The following KLF12 variants were observed in gnomAD, a reference collection of about 807,000 sequenced individuals.
The protein encoded by KLF12 is Krueppel-like factor 12.
Under a neutral mutation model 37.8 loss-of-function variants are expected in KLF12, and 9 were observed. That is an observed-to-expected ratio of 0.24 (90% confidence interval 0.14 to 0.42). The LOEUF (loss-of-function observed/expected upper bound fraction) is 0.42. Among genes scored for constraint, KLF12 ranks in the 10% least tolerant of loss-of-function variants. The pLI, the probability that KLF12 is intolerant of heterozygous loss-of-function variation, is 1.00. For synonymous variants in KLF12, 208 were observed against 202.1 expected (o/e 1.03, Z -0.25); for missense variants, 411 against 516.0 (o/e 0.80, Z 1.97).
the KLF12 span, among the ~76,000 whole-genome samples, chr13:74,171,502 C>G: frequency 2.6e-5 from 4 of 152,328 alleles, no homozygotes; most frequent in East Asian, 5.8e-4. Context: ...TCCTCCCAAA[C>G]AGTCTATACA....
At chr13:74,068,163 T>C (rs1593872346) in intron 1 of KLF12, among the ~76,000 whole-genome samples, 1 of 152,220 alleles carries the variant, frequency 6.6e-6, no homozygotes, top group African/African-American at 2.4e-5. Context: ...ATTTTTAAAA[T>C]GTGATTTAAT....
chr13:74,214,455 G>A, the KLF12 span, among the ~76,000 whole-genome samples: 1 of 152,160 alleles, frequency 6.6e-6, no homozygotes, highest in African/African-American at 2.4e-5. Context: ...GATGATCTGG[G>A]AGATCTGAGA....
Position 73,887,805 on chromosome 13 carries a change from A to G in KLF12, c.124-41432T>C, listed in dbSNP as rs144291133. On this transcript the variant is annotated intron_variant, in intron 3 of 7. Coordinates refer to ENST00000377669, the MANE Select transcript of KLF12 (RefSeq NM_007249.5). ...AAATTCCAGAATAAGCATTTGTCTGATATTGGTCAAGTATTACCTCCATGA... is the reference window on the plus strand; with the variant it reads ...AAATTCCAGAATAAGCATTTGTCTGGTATTGGTCAAGTATTACCTCCATGA... Among the ~76,000 whole-genome samples, 67 of 152,320 alleles carry G rather than the reference A, an allele frequency of 4.4e-4. 1 individual carries two copies. The highest frequency in any genetic ancestry group is 1.4e-3 in the African/African-American group (60 of 41,570).
chr13:73,793,345 T>TATGTGATTTTGA (rs1013786747), intron 5 of KLF12, among the ~76,000 whole-genome samples: 2 of 152,230 alleles, frequency 1.3e-5, no homozygotes, highest in African/African-American at 4.8e-5. Flanking sequence ...GAAACTCTTT[T>TATGTGATTTTGA]ATATGTGATT....
chr13:73,704,401 G>A (rs75878259), intron 7 of KLF12, among the ~76,000 whole-genome samples: 3 of 152,014 alleles, frequency 2.0e-5, no homozygotes, highest in African/African-American at 4.8e-5. Context: ...GTACCAAATC[G>A]TCAATGTCTC....
At chr13:73,945,974 C>T (rs374793209) in intron 2 of KLF12, among the ~76,000 whole-genome samples, 4 of 152,122 alleles carry the variant, frequency 2.6e-5, no homozygotes, top group African/African-American at 9.7e-5. Context: ...ATCTCAAATC[C>T]TAATGTGTCA....
chr13:74,069,221 C>T (rs1006959503), intron 1 of KLF12, among the ~76,000 whole-genome samples: 4 of 152,076 alleles, frequency 2.6e-5, no homozygotes, highest in Admixed American at 6.6e-5. Flanking sequence ...AAATATAGTA[C>T]TAGAGGGAAG....
At chr13:74,160,041 G>C in the KLF12 span, among the ~76,000 whole-genome samples, 1 of 147,426 alleles carries the variant, frequency 6.8e-6, no homozygotes, top group South Asian at 2.2e-4. Context: ...TTTCCAACTA[G>C]TCCAAGTGAG....
the KLF12 span, among the ~76,000 whole-genome samples, chr13:74,218,962 GTT>G: frequency 0.79 from 94,939 of 119,802 alleles, 36,259 homozygotes; most frequent in East Asian, 0.95. Flanking sequence ...AAAAATAAGA[GTT>G]TTTTTTTTTT....
At chr13:73,775,076 C>T (rs991204989) in intron 5 of KLF12, among the ~76,000 whole-genome samples, 1 of 151,952 alleles carries the variant, frequency 6.6e-6, no homozygotes, top group African/African-American at 2.4e-5. Context: ...TGCCACCATG[C>T]CTGGCTAATT....
At chr13:73,782,603 A>G (rs1881035324) in intron 5 of KLF12, among the ~76,000 whole-genome samples, 3 of 152,248 alleles carry the variant, frequency 2.0e-5, no homozygotes, top group Admixed American at 2.0e-4. Flanking sequence ...ACAAACTTCA[A>G]TCACTATAGC....
At chr13:73,975,977 G>C (rs1426651019) in intron 2 of KLF12, among the ~76,000 whole-genome samples, 1 of 152,102 alleles carries the variant, frequency 6.6e-6, no homozygotes, top group Non-Finnish European at 1.5e-5. Context: ...GTATGGAGAA[G>C]TGCCTTTCTG....
the KLF12 span, among the ~76,000 whole-genome samples, chr13:74,249,465 T>A: frequency 6.6e-6 from 1 of 151,718 alleles, no homozygotes; most frequent in East Asian, 1.9e-4. Flanking sequence ...CGAGTCCAGA[T>A]CATGAGTTTG....
intron 1 of KLF12, among the ~76,000 whole-genome samples, chr13:74,038,668 A>G (rs181833485): frequency 6.6e-6 from 1 of 152,360 alleles, no homozygotes; most frequent in Non-Finnish European, 1.5e-5. Context: ...CCATCATTAA[A>G]ATATCAACCC....
intron 1 of KLF12, among the ~76,000 whole-genome samples, chr13:74,072,026 T>C (rs564044991): frequency 3.3e-5 from 5 of 151,988 alleles, no homozygotes; most frequent in East Asian, 1.9e-4. Flanking sequence ...TCATACTATA[T>C]AGAATACTGG....
chr13:74,017,660 T>C lies in KLF12; in HGVS notation c.-31-22607A>G, dbSNP rs570759192. Among the ~76,000 whole-genome samples the C allele has an allele frequency of 2.1e-5, 3 of 142,736 alleles. No homozygotes were observed. In the East Asian group the frequency reaches 6.2e-4, roughly 29 times the overall value. The allele number at this position is 142,736 out of a possible 152,430, so 93.6% of individuals were successfully genotyped here. A position where few individuals can be genotyped will look rare whatever the true frequency, so the allele number is the denominator to read the frequency against. On this transcript the variant is annotated intron_variant, in intron 1 of 7. Transcript: ENST00000377669. The stretch of plus-strand genomic sequence containing the variant: ...AAATAGAAAAATATGAAGGAAAAGA[T>C]TTTCCTGAGATAAGTTGGCGACTGT...
chr13:74,296,897 C>T, the KLF12 span, among the ~76,000 whole-genome samples: 1 of 152,150 alleles, frequency 6.6e-6, no homozygotes, highest in East Asian at 1.9e-4. Flanking sequence ...CAAGAGCCTA[C>T]AGATCTGGAG....
chr13:73,990,149 C>T (rs928193224), intron 2 of KLF12, among the ~76,000 whole-genome samples: 9 of 152,056 alleles, frequency 5.9e-5, no homozygotes, highest in Admixed American at 5.2e-4. Context: ...ATGAAGGCCA[C>T]AGATATGGAA....
intron 1 of KLF12, among the ~76,000 whole-genome samples, chr13:74,056,233 G>A (rs1873234449): frequency 6.6e-6 from 1 of 152,064 alleles, no homozygotes; most frequent in African/African-American, 2.4e-5. Flanking sequence ...GTGATTTAAA[G>A]AGGAAGAAAA....
Sources: gnomAD v4.1 joint callset for allele counts (sites outside exome capture counted in the v4.1 genomes callset) on GRCh38, gnomAD v4.1.1 for gene constraint, MANE v1.5 for transcripts, NCBI Gene and HGNC (gene_info 2026-07-23, HGNC 2026-07-21) for gene names.